Variants in MARCHF1 observed in about 807,000 individuals in gnomAD.
MARCHF1 encodes membrane associated ring-CH-type finger 1, also known as E3 ubiquitin-protein ligase MARCHF1.
In MARCHF1, 40 loss-of-function variants were observed where a neutral mutation model predicts 54.2. The observed-to-expected ratio is 0.74, with a 90% CI of 0.57 to 0.96. The LOEUF is 0.96. MARCHF1 is among the 40% of genes least tolerant of loss of function. The probability of loss-of-function intolerance (pLI) is 0.00; values close to 1 mark genes in which losing one functional copy is unlikely to be tolerated. For synonymous variants in MARCHF1, 236 were observed against 236.3 expected (o/e 1.00, Z 0.01); for missense variants, 586 against 656.5 (o/e 0.89, Z 1.17).
intron 4 of MARCHF1, among the ~76,000 whole-genome samples, chr4:163,727,314 C>CT (rs35283708): frequency 9.2e-4 from 132 of 143,696 alleles, no homozygotes; most frequent in East Asian, 5.8e-3. Flanking sequence ...TCTTTTTTTT[C>CT]TTTTTTTTTT....
intron 2 of MARCHF1, among the ~76,000 whole-genome samples, chr4:164,079,845 T>C (rs1473856578): frequency 1.3e-5 from 2 of 152,188 alleles, no homozygotes; most frequent in Non-Finnish European, 2.9e-5. Context: ...TTTTCTGTAA[T>C]ATTAATATTA....
At chr4:164,168,470 T>C (rs1160776414) in intron 1 of MARCHF1, among the ~76,000 whole-genome samples, 2 of 152,104 alleles carry the variant, frequency 1.3e-5, no homozygotes, top group Non-Finnish European at 2.9e-5. Context: ...ATATTCACAA[T>C]AGCCAAGATC....
chr4:163,947,749 G>A (rs138584706), intron 3 of MARCHF1, among the ~76,000 whole-genome samples: 2 of 152,200 alleles, frequency 1.3e-5, no homozygotes, highest in African/African-American at 2.4e-5. Context: ...GAAACTAGTA[G>A]CGTAGCTTAT....
Position 164,199,681 on chromosome 4 carries a change from C to CACACAGAGAG in MARCHF1, c.-322-88020_-322-88019insCTCTCTGTGT, listed in dbSNP as rs1462208986. ...ACACACACACACACACACACACACA[C>CACACAGAGAG]AGAGAGAGAGAGAGAGAGAGAGAGA... On this transcript the variant is annotated intron_variant, in intron 1 of 9. Transcript: ENST00000514618. 5.5e-4 allele frequency among the ~76,000 whole-genome samples: 26 copies of CACACAGAGAG among 47,656 alleles called. 1 individual carries two copies. The highest frequency in any genetic ancestry group is 2.3e-3 in the East Asian group (4 of 1,754). 31.3% of individuals were successfully genotyped at this position (47,656 alleles called of 152,430 possible).
At chr4:163,851,703 G>A (rs575460076) in intron 4 of MARCHF1, among the ~76,000 whole-genome samples, 1 of 152,262 alleles carries the variant, frequency 6.6e-6, no homozygotes, top group African/African-American at 2.4e-5. Flanking sequence ...TCCTTTTCCT[G>A]GCCACATAGA....
At chr4:164,143,489 C>T (rs1318584590) in intron 1 of MARCHF1, among the ~76,000 whole-genome samples, 21 of 150,596 alleles carry the variant, frequency 1.4e-4, no homozygotes, top group Non-Finnish European at 2.8e-4. Context: ...AGAAACTCTA[C>T]AAGCCAGAAG....
At chr4:164,043,426 C>T (rs1243875548) in intron 2 of MARCHF1, among the ~76,000 whole-genome samples, 1 of 152,122 alleles carries the variant, frequency 6.6e-6, no homozygotes, top group East Asian at 1.9e-4. Flanking sequence ...TGTACCTTTA[C>T]CACTTTTAGC....
chr4:163,730,148 TC>T (rs1188801220), intron 4 of MARCHF1, among the ~76,000 whole-genome samples: 1 of 152,134 alleles, frequency 6.6e-6, no homozygotes, highest in Non-Finnish European at 1.5e-5. Flanking sequence ...GCTGATTCTT[TC>T]TTCTGTCTGT....
intron 5 of MARCHF1, among the ~76,000 whole-genome samples, chr4:163,683,377 GC>G (rs1049206279): frequency 2.6e-5 from 4 of 152,030 alleles, no homozygotes; most frequent in African/African-American, 9.7e-5. Flanking sequence ...GGAAAGACCT[GC>G]CCCCATGATT....
At chr4:163,939,654 A>T (rs1751870568) in intron 3 of MARCHF1, among the ~76,000 whole-genome samples, 1 of 152,096 alleles carries the variant, frequency 6.6e-6, no homozygotes, top group Non-Finnish European at 1.5e-5. Context: ...TTATCTCTTT[A>T]TTTTTGGGTG....
chr4:164,187,055 A>C (rs1730989020), intron 1 of MARCHF1, among the ~76,000 whole-genome samples: 1 of 150,474 alleles, frequency 6.6e-6, no homozygotes, highest in South Asian at 2.1e-4. Context: ...AAATGCACAT[A>C]ATCTTCTGAT....
chr4:163,633,334 G>A lies in MARCHF1; in HGVS notation c.163-19941C>T, dbSNP rs912530676. Among the ~76,000 whole-genome samples the A allele has an allele frequency of 6.5e-4, 99 of 152,094 alleles. 1 individual carries two copies. Among genetic ancestry groups the A allele is most frequent in the African/African-American group, 2.2e-3 (93 of 41,428 alleles). On this transcript the variant is annotated intron_variant, in intron 5 of 9. Transcript: ENST00000514618. ...GGACATTCAAACCAAAGGCAAAGAAGTTGAAAACTTTGAAAAAAATTTAGA... is the reference window on the plus strand; with the variant it reads ...GGACATTCAAACCAAAGGCAAAGAAATTGAAAACTTTGAAAAAAATTTAGA...
intron 2 of MARCHF1, among the ~76,000 whole-genome samples, chr4:164,007,379 A>G (rs1753317181): frequency 6.6e-6 from 1 of 150,756 alleles, no homozygotes; most frequent in Non-Finnish European, 1.5e-5. Flanking sequence ...AAAGAAAGAA[A>G]AAAAAAGCAA....
chr4:163,619,040 G>A (rs538581414), intron 5 of MARCHF1, among the ~76,000 whole-genome samples: 11 of 152,250 alleles, frequency 7.2e-5, no homozygotes, highest in South Asian at 2.1e-4. Flanking sequence ...GAGAGAAGAC[G>A]TCTTGGTATG....
chr4:163,717,610 C>T (rs1468962133), intron 4 of MARCHF1, among the ~76,000 whole-genome samples: 1 of 152,124 alleles, frequency 6.6e-6, no homozygotes, highest in Non-Finnish European at 1.5e-5. Context: ...TACAGTCCCA[C>T]CAACAGTGTA....
At chr4:164,349,945 A>G (rs1236831540) in intron 1 of MARCHF1, among the ~76,000 whole-genome samples, 3 of 152,142 alleles carry the variant, frequency 2.0e-5, no homozygotes, top group Non-Finnish European at 2.9e-5. Flanking sequence ...TGGAATTTCA[A>G]CTCTATCACT....
intron 3 of MARCHF1, among the ~76,000 whole-genome samples, chr4:163,937,692 G>A (rs1045696137): frequency 2.0e-5 from 3 of 152,056 alleles, no homozygotes; most frequent in Admixed American, 6.6e-5. Context: ...AAGCCAACCA[G>A]TGCAATAACT....
intron 4 of MARCHF1, among the ~76,000 whole-genome samples, chr4:163,713,286 A>C (rs1358389681): frequency 2.0e-5 from 3 of 152,114 alleles, no homozygotes; most frequent in Non-Finnish European, 4.4e-5. Context: ...AGAGGAAATA[A>C]ATAGAAATGT....
chr4:164,253,924 C>T (rs1357147311), intron 1 of MARCHF1, among the ~76,000 whole-genome samples: 2 of 152,058 alleles, frequency 1.3e-5, no homozygotes, highest in African/African-American at 4.8e-5. Context: ...TTGCATAGTG[C>T]ATGATTCTAT....
Sources: gnomAD v4.1 joint callset for allele counts (sites outside exome capture counted in the v4.1 genomes callset) on GRCh38, gnomAD v4.1.1 for gene constraint, MANE v1.5 for transcripts, NCBI Gene and HGNC (gene_info 2026-07-23, HGNC 2026-07-21) for gene names.